The following ERC2 variants were observed in gnomAD, a reference collection of about 807,000 sequenced individuals.
The protein encoded by ERC2 is ELKS/RAB6-interacting/CAST family member 2, also known as ERC protein 2.
A neutral mutation model predicts 114.8 loss-of-function variants in ERC2; 42 were observed. That is an observed-to-expected ratio of 0.37 (90% CI 0.29 to 0.47). The LOEUF is 0.47. Ranked by LOEUF, ERC2 falls within the 20% of genes least tolerant of loss-of-function variation. The probability of loss-of-function intolerance (pLI) is 0.99; values close to 1 mark genes in which losing one functional copy is unlikely to be tolerated. For missense variants in ERC2, 939 were observed against 1,150.7 expected (o/e 0.82, Z 2.66); for synonymous variants, 454 against 425.5 (o/e 1.07, Z -0.82).
At chr3:56,266,027 CAAAAAAATAA>C (rs1238675398) in intron 3 of ERC2, among the ~76,000 whole-genome samples, 3 of 97,880 alleles carry the variant, frequency 3.1e-5, no homozygotes, top group African/African-American at 1.3e-4. Flanking sequence ...AGAATCCGAC[CAAAAAAATAA>C]AATAAAATAA....
At chr3:56,297,152 C>A (rs1476146138) in intron 2 of ERC2, among the ~76,000 whole-genome samples, 9 of 147,986 alleles carry the variant, frequency 6.1e-5, no homozygotes, top group Admixed American at 6.0e-4. Context: ...AAAATCAACA[C>A]AAAGAAAAGT....
chr3:55,832,141 G>C (rs1043812367), intron 14 of ERC2, among the ~76,000 whole-genome samples: 3 of 152,204 alleles, frequency 2.0e-5, no homozygotes, highest in African/African-American at 7.2e-5. Flanking sequence ...ACTCAAGGAG[G>C]CCTGCCTGCC....
intron 17 of ERC2, among the ~76,000 whole-genome samples, chr3:55,677,593 C>T (rs547279905): frequency 2.0e-4 from 31 of 152,220 alleles, no homozygotes; most frequent in African/African-American, 7.5e-4. Flanking sequence ...GGTGTCACAA[C>T]CTTCCTCAAA....
chr3:56,246,680 A>C (rs1457095935), intron 3 of ERC2, among the ~76,000 whole-genome samples: 1 of 152,086 alleles, frequency 6.6e-6, no homozygotes, highest in African/African-American at 2.4e-5. Flanking sequence ...CTGATGTCAG[A>C]CCCTTAGCTC....
intron 14 of ERC2, among the ~76,000 whole-genome samples, chr3:55,759,226 TGGTGTA>T (rs1575509643): frequency 6.6e-6 from 1 of 152,094 alleles, no homozygotes; most frequent in Non-Finnish European, 1.5e-5. Context: ...ATCCCTGAAT[TGGTGTA>T]TTGCTGTGCA....
intron 14 of ERC2, among the ~76,000 whole-genome samples, chr3:55,818,782 A>G (rs2059999668): frequency 6.6e-6 from 1 of 152,234 alleles, no homozygotes; most frequent in African/African-American, 2.4e-5. Flanking sequence ...AGTGCCTCCA[A>G]ACTCACTACA....
intron 4 of ERC2, among the ~76,000 whole-genome samples, chr3:56,164,596 G>T (rs1250835472): frequency 6.6e-6 from 1 of 152,024 alleles, no homozygotes; most frequent in Non-Finnish European, 1.5e-5. Context: ...TTGCAATTCT[G>T]TTGGGTGTGT....
In ERC2 at chr3:55,893,779, C is replaced by A. The variant is rs371922355; in HGVS notation, c.2404-5230G>T. Among the ~76,000 whole-genome samples the A allele has an allele frequency of 2.4e-4, 37 of 152,262 alleles. No homozygotes were observed. The South Asian group carries it at 7.1e-3, about 29-fold the overall frequency. On this transcript the variant is annotated intron_variant, in intron 13 of 17. Transcript: ENST00000288221. ...TTCCCTTCTATCATTACTTTTGACA[C>A]CCCTCCCACATGTATAATAAGGTAG...
chr3:55,759,304 T>G (rs1213951074), intron 14 of ERC2, among the ~76,000 whole-genome samples: 1 of 152,004 alleles, frequency 6.6e-6, no homozygotes, highest in Non-Finnish European at 1.5e-5. Context: ...GCTTTCTAGA[T>G]TCTTCGCAAA....
intron 4 of ERC2, among the ~76,000 whole-genome samples, chr3:56,172,126 C>T (rs2150021392): frequency 6.6e-6 from 1 of 151,680 alleles, no homozygotes; most frequent in Non-Finnish European, 1.5e-5. Flanking sequence ...GCCTACCATT[C>T]CCCAGTGTAG....
intron 17 of ERC2, among the ~76,000 whole-genome samples, chr3:55,678,378 C>T (rs979497136): frequency 1.1e-4 from 17 of 152,270 alleles, no homozygotes; most frequent in East Asian, 9.7e-4. Flanking sequence ...TGACAGAATT[C>T]TTGATCCCTG....
intron 13 of ERC2, among the ~76,000 whole-genome samples, chr3:55,907,803 T>C (rs2149357541): frequency 6.6e-6 from 1 of 152,342 alleles, no homozygotes; most frequent in East Asian, 1.9e-4. Context: ...TAGCAAGGAC[T>C]GGAGATTAAA....
At chr3:56,290,798 G>A (rs558781122) in intron 3 of ERC2, among the ~76,000 whole-genome samples, 3 of 152,270 alleles carry the variant, frequency 2.0e-5, no homozygotes, top group East Asian at 3.9e-4. Flanking sequence ...AAGGAGACCA[G>A]GAGACCAATA....
At chr3:55,544,783 A>T (rs2054629243) in intron 17 of ERC2, among the ~76,000 whole-genome samples, 1 of 152,200 alleles carries the variant, frequency 6.6e-6, no homozygotes, top group Admixed American at 6.5e-5. Context: ...ACAAATCATC[A>T]TAGCAATGGA....
intron 1 of ERC2, among the ~76,000 whole-genome samples, chr3:56,462,398 C>A (rs939414981): frequency 3.3e-5 from 5 of 152,196 alleles, no homozygotes; most frequent in African/African-American, 1.2e-4. Context: ...CCTCCACCTT[C>A]ACTCGTACTA....
chr3:55,907,434 A>G (rs773963803), intron 13 of ERC2, among the ~76,000 whole-genome samples: 2 of 152,204 alleles, frequency 1.3e-5, no homozygotes, highest in Non-Finnish European at 2.9e-5. Context: ...AGTGTCTAGA[A>G]TAGCATCAGG....
At chr3:55,910,811 C>A (rs965461144) in intron 13 of ERC2, among the ~76,000 whole-genome samples, 3 of 152,206 alleles carry the variant, frequency 2.0e-5, no homozygotes, top group African/African-American at 4.8e-5. Context: ...GATTTGAACC[C>A]AGGCTGTCAG....
intron 17 of ERC2, among the ~76,000 whole-genome samples, chr3:55,642,456 T>A (rs1194099677): frequency 1.3e-5 from 2 of 151,808 alleles, no homozygotes; most frequent in African/African-American, 4.8e-5. Context: ...TGCCTCAGCC[T>A]CCCAAGTAGC....
chr3:56,174,272 C>T (rs1482524607), intron 3 of ERC2, among the ~76,000 whole-genome samples: 1 of 152,192 alleles, frequency 6.6e-6, no homozygotes, highest in Admixed American at 6.5e-5. Context: ...TTTTTATATG[C>T]TTCTCCTCAA....
Sources: allele counts gnomAD v4.1 joint callset (sites outside exome capture counted in the v4.1 genomes callset), GRCh38; gene constraint gnomAD v4.1.1; transcripts MANE v1.5; gene names NCBI Gene and HGNC (gene_info 2026-07-23, HGNC 2026-07-21).